The following CHST11 variants were observed in gnomAD, a reference collection of about 807,000 sequenced individuals.
CHST11 encodes the protein carbohydrate sulfotransferase 11.
Under a neutral mutation model 30.4 loss-of-function variants are expected in CHST11, and 9 were observed. The ratio of observed to expected loss-of-function variants is 0.30; its 90% CI spans 0.18 to 0.52. The LOEUF is 0.52. Among genes scored for constraint, CHST11 ranks in the 20% least tolerant of loss-of-function variants. The probability of loss-of-function intolerance (pLI) is 0.97; values close to 1 mark genes in which losing one functional copy is unlikely to be tolerated. For synonymous variants in CHST11, 152 were observed against 187.8 expected, an observed-to-expected ratio of 0.81 and a Z score of 1.56; for missense variants, 348 against 460.6, an observed-to-expected ratio of 0.76 and a Z score of 2.24.
chr12:104,545,555 G>A (rs1006975911), intron 1 of CHST11, among the ~76,000 whole-genome samples: 1 of 152,194 alleles, frequency 6.6e-6, no homozygotes, highest in African/African-American at 2.4e-5. Context: ...AAATGATATT[G>A]AGCTACTTAA....
At chr12:104,708,798 C>A (rs1485877683) in intron 2 of CHST11, among the ~76,000 whole-genome samples, 1 of 152,220 alleles carries the variant, frequency 6.6e-6, no homozygotes, top group African/African-American at 2.4e-5. Context: ...CATCTTCCCC[C>A]ATCTCCAGAA....
Position 104,757,806 on chromosome 12 carries a change from G to C in CHST11, c.*3G>C, listed in dbSNP as rs960606673. 9 of 1,605,426 alleles carry C rather than the reference G, an allele frequency of 5.6e-6. No individual in the cohort carries two copies. The East Asian group carries it at 9.0e-5, about 16-fold the overall frequency. On this transcript the variant is annotated 3_prime_UTR_variant, in exon 3 of 3. Coordinates refer to ENST00000303694, the MANE Select transcript of CHST11 (RefSeq NM_018413.6). The surrounding 1 kb of genome is among the most constrained non-coding windows in gnomAD (Gnocchi z 6.5). Reference sequence around the variant, plus strand: ...CAAGCTACCTGAAATTGGAATAAAGGGGGTGGGGAGAGGGAGAGAATCATG... The same window carrying C: ...CAAGCTACCTGAAATTGGAATAAAGCGGGTGGGGAGAGGGAGAGAATCATG...
intron 2 of CHST11, among the ~76,000 whole-genome samples, chr12:104,645,006 A>G (rs1176784772): frequency 1.3e-5 from 2 of 152,158 alleles, no homozygotes; most frequent in East Asian, 1.9e-4. Context: ...GCTGGAGTAC[A>G]GTGGCATGAT....
At chr12:104,470,724 C>G (rs1011911267) in intron 1 of CHST11, among the ~76,000 whole-genome samples, 1 of 152,142 alleles carries the variant, frequency 6.6e-6, no homozygotes, top group African/African-American at 2.4e-5. Context: ...TTTACCAATC[C>G]CATTATACAG....
At chr12:104,544,166 G>GAAAGAA (rs2038317934) in intron 1 of CHST11, among the ~76,000 whole-genome samples, 2 of 31,886 alleles carry the variant, frequency 6.3e-5, no homozygotes, top group Non-Finnish European at 1.5e-4. Flanking sequence ...AAGAAAGAAA[G>GAAAGAA]AAAGAAAGAA....
intron 2 of CHST11, among the ~76,000 whole-genome samples, chr12:104,713,640 A>C (rs1176968283): frequency 6.6e-6 from 1 of 152,192 alleles, no homozygotes; most frequent in African/African-American, 2.4e-5. Flanking sequence ...CTGGTGAAGG[A>C]TGCCGTGCTG....
intron 1 of CHST11, among the ~76,000 whole-genome samples, chr12:104,570,693 C>CTTG (rs2038615519): frequency 7.1e-6 from 1 of 141,380 alleles, no homozygotes; most frequent in African/African-American, 2.6e-5. Context: ...AGCCACTGCA[C>CTTG]TTTTTTTTTT....
chr12:104,712,725 C>T (rs2040097566), intron 2 of CHST11, among the ~76,000 whole-genome samples: 1 of 152,144 alleles, frequency 6.6e-6, no homozygotes, highest in Non-Finnish European at 1.5e-5. Flanking sequence ...CATGGAAATT[C>T]CTAAAACCAA....
chr12:104,493,959 G>A (rs1241932510), intron 1 of CHST11, among the ~76,000 whole-genome samples: 1 of 152,128 alleles, frequency 6.6e-6, no homozygotes, highest in Non-Finnish European at 1.5e-5. Flanking sequence ...AAGTAGCTGG[G>A]ACTAAACACA....
chr12:104,553,568 C>CGAGAGAGAGAGAGAGAGAGA (rs3039120), intron 1 of CHST11: 81 of 140,216 alleles, frequency 5.8e-4, no homozygotes, highest in African/African-American at 2.0e-3. Context: ...ATGGTGTCAG[C>CGAGAGAGAGAGAGAGAGAGA]GAGAGAGAGA....
intron 2 of CHST11, among the ~76,000 whole-genome samples, chr12:104,722,644 T>C (rs1403556171): frequency 6.6e-6 from 1 of 152,130 alleles, no homozygotes; most frequent in Admixed American, 6.5e-5. Context: ...CACCTGTTCC[T>C]TCCTGTGATC....
chr12:104,652,044 C>T (rs1431027164), intron 2 of CHST11, among the ~76,000 whole-genome samples: 1 of 152,194 alleles, frequency 6.6e-6, no homozygotes, highest in East Asian at 1.9e-4. Context: ...GATAATTATA[C>T]CCACTTAGCA....
chr12:104,498,341 A>G (rs2037820693), intron 1 of CHST11, among the ~76,000 whole-genome samples: 1 of 152,168 alleles, frequency 6.6e-6, no homozygotes, highest in African/African-American at 2.4e-5. Context: ...GGGTGGGGCA[A>G]ATGTAAGCTT....
intron 2 of CHST11, among the ~76,000 whole-genome samples, chr12:104,612,843 A>G (rs764339926): frequency 2.0e-5 from 3 of 152,236 alleles, no homozygotes; most frequent in Non-Finnish European, 2.9e-5. Context: ...TTCTGGGTGT[A>G]TGCCCAAAGG....
chr12:104,620,392 G>A (rs1280691531), intron 2 of CHST11, among the ~76,000 whole-genome samples: 1 of 152,150 alleles, frequency 6.6e-6, no homozygotes, highest in East Asian at 1.9e-4. Flanking sequence ...AATTATTCAC[G>A]GTCATGGGGG....
At chr12:104,646,692 C>T (rs926969731) in intron 2 of CHST11, among the ~76,000 whole-genome samples, 3 of 152,174 alleles carry the variant, frequency 2.0e-5, no homozygotes, top group African/African-American at 4.8e-5. Context: ...AGCAAGACTC[C>T]GTCTCAAAAA....
chr12:104,614,460 C>A (rs1445092913), intron 2 of CHST11, among the ~76,000 whole-genome samples: 1 of 152,026 alleles, frequency 6.6e-6, no homozygotes, highest in Non-Finnish European at 1.5e-5. Context: ...CGGGAGGATC[C>A]CCTGAGCCCA....
At chr12:104,545,136 A>T (rs1034300686) in intron 1 of CHST11, among the ~76,000 whole-genome samples, 3 of 151,762 alleles carry the variant, frequency 2.0e-5, no homozygotes, top group African/African-American at 7.3e-5. Context: ...ACAAAGACCC[A>T]AGGTGAATTT....
At chr12:104,544,170 G>T (rs1362049232) in intron 1 of CHST11, among the ~76,000 whole-genome samples, 1 of 120,058 alleles carries the variant, frequency 8.3e-6, no homozygotes, top group Non-Finnish European at 1.8e-5. Context: ...AAGAAAGAAA[G>T]AAAGAAAGAA....
Sources: allele counts gnomAD v4.1 joint callset (sites outside exome capture counted in the v4.1 genomes callset), GRCh38; gene constraint gnomAD v4.1.1; non-coding constraint Gnocchi (gnomAD v3.1); transcripts MANE v1.5; gene names NCBI Gene and HGNC (gene_info 2026-07-23, HGNC 2026-07-21).